Variants in ZPBP observed in about 807,000 individuals in gnomAD.
The protein encoded by ZPBP is zona pellucida binding protein, also known as zona pellucida-binding protein 1.
Under a neutral mutation model 44.8 loss-of-function variants are expected in ZPBP, and 26 were observed. That is an observed-to-expected ratio of 0.58 (90% CI 0.43 to 0.81). ZPBP has a LOEUF of 0.81. ZPBP is among the 30% of genes least tolerant of loss of function. The probability of loss-of-function intolerance (pLI) is 0.00; values close to 1 mark genes in which losing one functional copy is unlikely to be tolerated. For missense variants in ZPBP, 409 were observed against 434.0 expected (o/e 0.94, Z 0.51); for synonymous variants, 174 against 153.2 (o/e 1.14, Z -1.00).
chr7:50,059,935 A>G (rs1424634302), intron 3 of ZPBP, among the ~76,000 whole-genome samples: 1 of 152,086 alleles, frequency 6.6e-6, no homozygotes, highest in Non-Finnish European at 1.5e-5. Flanking sequence ...AAGACCATCA[A>G]GAAGACTAGC....
intron 1 of ZPBP, among the ~76,000 whole-genome samples, chr7:49,927,817 T>A (rs570908022): frequency 6.6e-6 from 1 of 152,112 alleles, no homozygotes; most frequent in South Asian, 2.1e-4. Flanking sequence ...TAAATATGAG[T>A]TCCCTGGTCA....
intron 2 of ZPBP, among the ~76,000 whole-genome samples, chr7:49,888,926 CA>C (rs1404048619): frequency 6.6e-6 from 1 of 151,362 alleles, no homozygotes; most frequent in African/African-American, 2.4e-5. Context: ...AAAACAAAAA[CA>C]AAAACAAAAA....
chr7:49,912,589 A>AG (rs1265769010), intron 1 of ZPBP: 3 of 158,166 alleles, frequency 1.9e-5, no homozygotes, highest in Admixed American at 1.9e-4. Context: ...TCCATCACCC[A>AG]GGAATGTTCC....
intron 6 of ZPBP, among the ~76,000 whole-genome samples, chr7:49,988,209 G>A (rs1797404532): frequency 6.6e-6 from 1 of 152,092 alleles, no homozygotes; most frequent in Non-Finnish European, 1.5e-5. Context: ...AAAATTCTAA[G>A]TCATCATTTT....
intron 7 of ZPBP, among the ~76,000 whole-genome samples, chr7:49,967,276 T>G (rs1796100664): frequency 6.6e-6 from 1 of 152,192 alleles, no homozygotes; most frequent in Non-Finnish European, 1.5e-5. Flanking sequence ...ACCCCTTTCT[T>G]TCTTCTAATT....
chr7:50,084,650 T>C (rs1271670897), intron 2 of ZPBP, among the ~76,000 whole-genome samples: 4 of 151,940 alleles, frequency 2.6e-5, no homozygotes, highest in African/African-American at 7.2e-5. Flanking sequence ...AAATATCATA[T>C]AATAATCTAC....
intron 7 of ZPBP, among the ~76,000 whole-genome samples, chr7:49,979,233 T>C (rs1796667868): frequency 6.6e-6 from 1 of 151,912 alleles, no homozygotes; most frequent in Admixed American, 6.6e-5. Flanking sequence ...ACAATTACAT[T>C]GAACCCTTGT....
Position 49,911,921 on chromosome 7 carries a change from A to ACGCG in ZPBP, n.412-10707_412-10706insCGCG, listed in dbSNP as rs1417570229. The ACGCG allele has an allele frequency of 5.4e-6, 4 of 743,236 alleles. No homozygotes were observed. The African/African-American group carries it at 8.5e-5, about 16-fold the overall frequency. The allele number at this position is 743,236 out of a possible 1,614,324, so 46.0% of individuals were successfully genotyped here. A position where few individuals can be genotyped will look rare whatever the true frequency, so the allele number is the denominator to read the frequency against. On this transcript the variant is annotated intron_variant and non_coding_transcript_variant, in intron 1 of 2. Transcript: ENST00000465922. ...CAAAAACAAACAAACAAACAAATACACGCACACACACACACACACACACAC... is the reference window on the plus strand; with the variant it reads ...CAAAAACAAACAAACAAACAAATACACGCGCGCACACACACACACACACACACAC...
intron 6 of ZPBP, among the ~76,000 whole-genome samples, chr7:50,010,372 G>T (rs1182713872): frequency 1.3e-5 from 2 of 151,848 alleles, no homozygotes; most frequent in African/African-American, 4.8e-5. Context: ...ATGGAGAAAA[G>T]ATGGCATTTG....
intron 2 of ZPBP, among the ~76,000 whole-genome samples, chr7:49,899,942 T>G (rs1019598251): frequency 2.6e-5 from 4 of 151,764 alleles, no homozygotes; most frequent in African/African-American, 9.7e-5. Context: ...CCTTAATAAA[T>G]TTTGAAAAAT....
intron 6 of ZPBP, among the ~76,000 whole-genome samples, chr7:50,012,050 A>G (rs1042299435): frequency 6.6e-6 from 1 of 151,798 alleles, no homozygotes; most frequent in Non-Finnish European, 1.5e-5. Flanking sequence ...AAAAAAAAAA[A>G]GAAGGAAATT....
At chr7:49,980,931 A>G (rs993241163) in intron 7 of ZPBP, among the ~76,000 whole-genome samples, 1 of 151,786 alleles carries the variant, frequency 6.6e-6, no homozygotes, top group African/African-American at 2.4e-5. Flanking sequence ...TTTTCATAAA[A>G]TAGACTACTG....
chr7:50,011,944 T>G (rs546169440), intron 6 of ZPBP, among the ~76,000 whole-genome samples: 1 of 151,082 alleles, frequency 6.6e-6, no homozygotes, highest in Non-Finnish European at 1.5e-5. Context: ...TGCAGGACAA[T>G]TGCTTGAACC....
intron 7 of ZPBP, among the ~76,000 whole-genome samples, chr7:49,957,030 C>T (rs1156267601): frequency 6.6e-6 from 1 of 152,144 alleles, no homozygotes; most frequent in Non-Finnish European, 1.5e-5. Flanking sequence ...GGGCTTGGCC[C>T]TCATGAACTG....
At chr7:49,914,992 T>C (rs1020785508) in intron 1 of ZPBP, 7 of 152,220 alleles carry the variant, frequency 4.6e-5, no homozygotes, top group Non-Finnish European at 8.8e-5. Context: ...TATTAATGAA[T>C]TTATTTCAAA....
At chr7:49,929,094 G>A (rs1794358123) in intron 1 of ZPBP, among the ~76,000 whole-genome samples, 1 of 152,154 alleles carries the variant, frequency 6.6e-6, no homozygotes, top group Admixed American at 6.5e-5. Flanking sequence ...TCCAAAATTG[G>A]CAGTTTTCCC....
At chr7:50,045,866 TG>T in intron 4 of ZPBP, among the ~76,000 whole-genome samples, 1 of 152,316 alleles carries the variant, frequency 6.6e-6, no homozygotes, top group East Asian at 1.9e-4. Flanking sequence ...AGAACAAAGC[TG>T]GAGGCATCAT....
At chr7:49,937,905 T>C (rs1283611500) in intron 7 of ZPBP, among the ~76,000 whole-genome samples, 1 of 152,154 alleles carries the variant, frequency 6.6e-6, no homozygotes, top group African/African-American at 2.4e-5. Context: ...TTTTAATTAT[T>C]TACTCTGAGA....
intron 5 of ZPBP, among the ~76,000 whole-genome samples, 178 bp downstream of exon 5, chr7:50,030,914 G>A (rs1051911235): frequency 3.3e-5 from 5 of 152,074 alleles, no homozygotes; most frequent in African/African-American, 1.2e-4. Context: ...ATTAGTACAC[G>A]AATCAGCAGA....
Sources: gnomAD v4.1 joint callset for allele counts (sites outside exome capture counted in the v4.1 genomes callset) on GRCh38, gnomAD v4.1.1 for gene constraint, MANE v1.5 for transcripts, NCBI Gene and HGNC (gene_info 2026-07-23, HGNC 2026-07-21) for gene names.